Variants in STPG3 observed in about 807,000 individuals in gnomAD.
The protein encoded by STPG3 is protein STPG3.
In STPG3, 39 loss-of-function variants were observed where a neutral mutation model predicts 32.5. The observed-to-expected ratio is 1.20, with a 90% CI of 0.93 to 1.57. The LOEUF (loss-of-function observed/expected upper bound fraction) is 1.57, where lower values mean the gene tolerates loss of function less well. STPG3 is among the 40% of genes most tolerant of loss of function. The probability of loss-of-function intolerance (pLI) is 0.00; values close to 1 mark genes in which losing one functional copy is unlikely to be tolerated. For synonymous variants in STPG3, 209 were observed against 172.4 expected (o/e 1.21, Z -1.66); for missense variants, 507 against 407.6 (o/e 1.24, Z -2.10).
At chr9:137,253,084 G>A (rs1372125953) in intron 5 of STPG3, 31 bp from the exon 6 acceptor site, 2 of 1,544,730 alleles carry the variant, frequency 1.3e-6, no homozygotes, top group East Asian at 2.3e-5. Context: ...GCTGCTACCT[G>A]GGTGGGGCTC....
chr9:137,253,054 G>A lies in STPG3; in HGVS notation c.797-61G>A, dbSNP rs749005578. On this transcript the variant is annotated intron_variant, in intron 5 of 5. Coordinates refer to ENST00000412566, the MANE Select transcript of STPG3 (RefSeq NM_001004353.4). ...GTTCAGGGGCCGGGGGTGGGAACTG[G>A]GAGCCAGGTTTGAGTTGGGGCTGCT... 6.5e-6 allele frequency: 10 copies of A among 1,537,828 alleles called. No homozygotes were observed. In the African/African-American group the frequency reaches 8.2e-5, roughly 13 times the overall value.
Position 137,253,481 on chromosome 9 carries a change from C to A in STPG3, c.*236C>A. 3.5e-6 allele frequency: 5 copies of A among 1,432,688 alleles called. No homozygotes were observed. Among genetic ancestry groups the A allele is most frequent in the South Asian group, 1.5e-5 (1 of 67,486 alleles). 88.7% of individuals were successfully genotyped at this position (1,432,688 alleles called of 1,614,324 possible). A position where few individuals can be genotyped will look rare whatever the true frequency, so the allele number is the denominator to read the frequency against. Reference sequence around the variant, plus strand: ...TACACTGAGATGCTGTTGGTTTTCCCGAGCTCTGTGGTGTGCAGTTGTCTG... The same window carrying A: ...TACACTGAGATGCTGTTGGTTTTCCAGAGCTCTGTGGTGTGCAGTTGTCTG... On this transcript the variant is annotated 3_prime_UTR_variant, in exon 6 of 6. Coordinates refer to ENST00000412566, the MANE Select transcript of STPG3 (RefSeq NM_001004353.4).
At chr9:137,251,628 A>T in intron 1 of STPG3, 110 bp from the exon 2 acceptor site, 1 of 1,319,086 alleles carries the variant, frequency 7.6e-7, no homozygotes, top group Non-Finnish European at 1.0e-6. Context: ...GCTGTGGGGC[A>T]CGTGGCTGGG....
rs371721779 is a variant in STPG3 at position 137,252,614 on chromosome 9, T to A, written c.493-48T>A. On this transcript the variant is annotated intron_variant, in intron 4 of 5. Coordinates refer to ENST00000412566, the MANE Select transcript of STPG3 (RefSeq NM_001004353.4). ...GGGCCAAAGGGGGGCTGGCTGAGGG[T>A]CCGTGGGGAGCACCCTGCCCTGCAG... is the stretch of plus-strand genomic sequence containing the variant. 4.2e-5 allele frequency: 64 copies of A among 1,519,598 alleles called. No homozygotes were observed. The African/African-American group carries it at 8.4e-4, about 20-fold the overall frequency. 94.1% of individuals were successfully genotyped at this position (1,519,598 alleles called of 1,614,324 possible). A position where few individuals can be genotyped will look rare whatever the true frequency, so the allele number is the denominator to read the frequency against.
chr9:137,252,369 A>G, intron 3 of STPG3, 68 bp from the exon 4 acceptor site: 1 of 1,504,058 alleles, frequency 6.6e-7, no homozygotes, highest in Non-Finnish European at 9.1e-7. Flanking sequence ...ACCGGGAGAC[A>G]GGTTCGAGTG....
intron 1 of STPG3, 110 bp from the exon 2 acceptor site, chr9:137,251,628 A>C: frequency 7.6e-7 from 1 of 1,319,086 alleles, no homozygotes; most frequent in Non-Finnish European, 1.0e-6. Context: ...GCTGTGGGGC[A>C]CGTGGCTGGG....
intron 1 of STPG3, 132 bp from the exon 2 acceptor site, chr9:137,251,606 G>C (rs1837321596): frequency 8.4e-7 from 1 of 1,195,884 alleles, no homozygotes; most frequent in Non-Finnish European, 1.2e-6. Flanking sequence ...CTGAGGGACA[G>C]TGTGGGGACA....
chr9:137,253,453 C>A lies in STPG3; in HGVS notation c.*208C>A. The A allele has an allele frequency of 7.0e-7, 1 of 1,436,730 alleles. No homozygotes were observed. The highest frequency in any genetic ancestry group is 9.1e-7 in the Non-Finnish European group (1 of 1,098,096). The allele number at this position is 1,436,730 out of a possible 1,614,324, so 89.0% of individuals were successfully genotyped here. A position where few individuals can be genotyped will look rare whatever the true frequency, so the allele number is the denominator to read the frequency against. ...TGGATCCCCCATCTGCCCATCTCCC[C>A]GCTACACTGAGATGCTGTTGGTTTT... is the stretch of plus-strand genomic sequence containing the variant. On this transcript the variant is annotated 3_prime_UTR_variant, in exon 6 of 6. Coordinates refer to ENST00000412566, the MANE Select transcript of STPG3 (RefSeq NM_001004353.4).
In STPG3 at chr9:137,251,750, T is replaced by C; in HGVS notation, c.123T>C (p.Ser41=). 1 of 1,571,762 alleles carries C rather than the reference T, an allele frequency of 6.4e-7. No homozygotes were observed. Among genetic ancestry groups the C allele is most frequent in the Non-Finnish European group, 8.6e-7 (1 of 1,159,652 alleles). Residue 41 remains serine, a synonymous_variant, in exon 2 of 6, where the codon TCT becomes TCC. Transcript: ENST00000412566. ...GTCTCCCTTGCAGGCCCAAGGCATC[T>C]GTGCTGTTGTTGGGCCCGGAGCCGG... ...TQPEPTQPKA[S]VLLLGPEPGM...
Position 137,252,448 on chromosome 9 carries a change from C to T in STPG3, c.415C>T (p.Arg139Cys), listed in dbSNP as rs777266857. 39 of 1,610,606 alleles carry T rather than the reference C, an allele frequency of 2.4e-5. No homozygotes were observed. Among genetic ancestry groups the T allele is most frequent in the African/African-American group, 9.3e-5 (7 of 74,868 alleles). ...TCCTCCAACTACAGAGGGCGGTGGC[C>T]GCAGGGCATGGCAGACTTTGTGGTT... is the stretch of plus-strand genomic sequence containing the variant. ...CKHQGREGGG[R>C]RAWQTLWFQS... is the part of the protein sequence containing the mutation. Residue 139 changes from arginine (R) to cysteine (C), a missense_variant, in exon 4 of 6, where the codon CGC (arginine) becomes TGC (cysteine). Physicochemically the swap from Arg to Cys is radical, Grantham distance 180. Transcript: ENST00000412566.
At chr9:137,252,343 G>A (rs937161195) in intron 3 of STPG3, 94 bp from the exon 4 acceptor site, 133 of 1,412,518 alleles carry the variant, frequency 9.4e-5, no homozygotes, top group Non-Finnish European at 1.3e-4. Context: ...CAAGGGTTCA[G>A]GGGCCGAGGG....
At position 137,252,801 on chromosome 9, in the gene STPG3, G is replaced by C; in HGVS notation, c.632G>C (p.Arg211Thr). Residue 211 changes from arginine (R) to threonine (T), a missense_variant, in exon 5 of 6, where the codon AGG becomes ACG. Arg to Thr is a moderately conservative substitution (Grantham distance 71). Transcript: ENST00000412566. The part of the protein sequence containing the change: ...GLPGARGLGL[R>T]VQPQSLLQAS... ...CCTGGGGCTAGGGGGCTGGGCCTCA[G>C]GGTGCAGCCCCAGTCCCTGCTTCAG... 1 of 1,564,298 alleles carries C rather than the reference G, an allele frequency of 6.4e-7. No individual in the cohort carries two copies.
In STPG3 at chr9:137,252,375, G is replaced by C. The variant is rs917090144; in HGVS notation, c.404-62G>C. 2.0e-5 allele frequency: 30 copies of C among 1,524,900 alleles called. No homozygotes were observed. In the African/African-American group the frequency reaches 2.9e-4, roughly 15 times the overall value. 94.5% of individuals were successfully genotyped at this position (1,524,900 alleles called of 1,614,324 possible). ...AGGGTGGGAACCGGGAGACAGGTTC[G>C]AGTGGGGACTGTCACCTGGGTGGGG... On this transcript the variant is annotated intron_variant, in intron 3 of 5. Coordinates refer to ENST00000412566, the MANE Select transcript of STPG3 (RefSeq NM_001004353.4).
chr9:137,253,284 T>C lies in STPG3; in HGVS notation c.*39T>C. On this transcript the variant is annotated 3_prime_UTR_variant, in exon 6 of 6. Coordinates refer to ENST00000412566, the MANE Select transcript of STPG3 (RefSeq NM_001004353.4). ...CAACCTGCTTGGCCCGGCCACCGAGTGGAACCATGGCCTCCCCCGGGGCTT... is the reference window on the plus strand; with the variant it reads ...CAACCTGCTTGGCCCGGCCACCGAGCGGAACCATGGCCTCCCCCGGGGCTT... 1 of 1,581,592 alleles carries C rather than the reference T, an allele frequency of 6.3e-7. No homozygotes were observed. Among genetic ancestry groups the C allele is most frequent in the Non-Finnish European group, 8.6e-7 (1 of 1,164,914 alleles).
Position 137,251,406 on chromosome 9 carries a change from GGA to G in STPG3, c.110+14_110+15del. 6.3e-7 allele frequency: 1 copy of G among 1,594,560 alleles called. No individual in the cohort carries two copies. The highest frequency in any genetic ancestry group is 8.6e-7 in the Non-Finnish European group (1 of 1,164,344). On this transcript the variant is annotated intron_variant, in intron 1 of 5. Transcript: ENST00000412566. ...AACCAGAGCCCACCCAGTAACTGGC[GGA>G]GAGGGGGAGAAGGGGCGGGCCAGCT...
rs1364972967 is a variant in STPG3 at position 137,252,654 on chromosome 9, C to T, written c.493-8C>T. 19 of 1,538,946 alleles carry T rather than the reference C, an allele frequency of 1.2e-5. No individual in the cohort carries two copies. Among genetic ancestry groups the T allele is most frequent in the Non-Finnish European group, 1.7e-5 (19 of 1,138,922 alleles). Reference sequence around the variant, plus strand: ...CTGCCCTGCAGCCCGTCTCCTACCCCCTCGCAGTGGCCCTCGCCAGCCCAC... The same window carrying T: ...CTGCCCTGCAGCCCGTCTCCTACCCTCTCGCAGTGGCCCTCGCCAGCCCAC... On this transcript the variant is annotated splice_polypyrimidine_tract_variant and splice_region_variant and intron_variant, in intron 4 of 5. Coordinates refer to ENST00000412566, the MANE Select transcript of STPG3 (RefSeq NM_001004353.4).
chr9:137,252,275 G>A (rs1417568443), intron 3 of STPG3, 140 bp downstream of exon 3: 4 of 1,361,700 alleles, frequency 2.9e-6, no homozygotes, highest in African/African-American at 1.4e-5. Context: ...CTCAGCACCT[G>A]TAAGGAGGCC....
chr9:137,252,545 G>C lies in STPG3; in HGVS notation c.492+20G>C, dbSNP rs1366070546. The C allele has an allele frequency of 6.4e-7, 1 of 1,560,934 alleles. No homozygotes were observed. The highest frequency in any genetic ancestry group is 1.4e-5 in the African/African-American group (1 of 73,684). ...CAAAAGGTTGGGGGCTGGGCAGGAA[G>C]GGGGCGGGGAGTCCACGCAGGCAGG... On this transcript the variant is annotated intron_variant, in intron 4 of 5. Coordinates refer to ENST00000412566, the MANE Select transcript of STPG3 (RefSeq NM_001004353.4).
chr9:137,251,519 G>A, intron 1 of STPG3, 123 bp downstream of exon 1: 5 of 981,594 alleles, frequency 5.1e-6, no homozygotes, highest in Non-Finnish European at 7.7e-6. Context: ...GTGGGGACAG[G>A]CTGTGGGGCA....
Sources: gnomAD v4.1 joint callset for allele counts on GRCh38, gnomAD v4.1.1 for gene constraint, MANE v1.5 for transcripts, NCBI Gene and HGNC (gene_info 2026-07-23, HGNC 2026-07-21) for gene names.